Variants in RNLS observed in about 807,000 individuals in gnomAD.
The protein encoded by RNLS is renalase.
Under a neutral mutation model 39.8 loss-of-function variants are expected in RNLS, and 39 were observed. That is an observed-to-expected ratio of 0.98 (90% CI 0.76 to 1.28). The LOEUF (loss-of-function observed/expected upper bound fraction) is 1.28. Among genes scored for constraint, RNLS ranks in the 50% most tolerant of loss-of-function variants. The pLI, the probability that RNLS is intolerant of heterozygous loss-of-function variation, is 0.00. For missense variants in RNLS, 410 were observed against 413.3 expected (o/e 0.99, Z 0.07); for synonymous variants, 147 against 150.7 (o/e 0.98, Z 0.18).
At chr10:88,517,312 C>T (rs1846459884) in intron 4 of RNLS, among the ~76,000 whole-genome samples, 1 of 151,870 alleles carries the variant, frequency 6.6e-6, no homozygotes, top group African/African-American at 2.4e-5. Flanking sequence ...TTACCACATA[C>T]TTATTTGATG....
At chr10:88,491,382 G>A (rs915550316) in intron 4 of RNLS, among the ~76,000 whole-genome samples, 4 of 152,128 alleles carry the variant, frequency 2.6e-5, no homozygotes, top group African/African-American at 4.8e-5. Context: ...TTCATTGCCC[G>A]TAGTGGACAG....
At chr10:88,567,832 A>T (rs1451423536) in intron 4 of RNLS, among the ~76,000 whole-genome samples, 1 of 152,230 alleles carries the variant, frequency 6.6e-6, no homozygotes, top group Non-Finnish European at 1.5e-5. Flanking sequence ...CTATAGTTCT[A>T]AATCTAAGAT....
At chr10:88,567,151 A>G (rs1849547707) in intron 4 of RNLS, among the ~76,000 whole-genome samples, 1 of 152,176 alleles carries the variant, frequency 6.6e-6, no homozygotes, top group East Asian at 1.9e-4. Context: ...AATCAAATAA[A>G]ATCATAAAGC....
intron 4 of RNLS, among the ~76,000 whole-genome samples, chr10:88,505,374 GAA>G: frequency 6.8e-6 from 1 of 147,466 alleles, no homozygotes; most frequent in South Asian, 2.2e-4. Flanking sequence ...GGAAGAGAGA[GAA>G]AGAGAAGTAG....
the RNLS span, among the ~76,000 whole-genome samples, chr10:88,185,508 GC>G: frequency 6.6e-6 from 1 of 152,014 alleles, no homozygotes; most frequent in African/African-American, 2.4e-5. Context: ...TCTTCAAGGA[GC>G]TTCGTCTTCT....
chr10:88,325,562 T>C (rs943307230), intron 5 of RNLS, among the ~76,000 whole-genome samples: 1 of 152,178 alleles, frequency 6.6e-6, no homozygotes, highest in African/African-American at 2.4e-5. Flanking sequence ...TTAACATTTG[T>C]TTTGAAGTAA....
rs779816722 is a variant in RNLS at position 88,410,987 on chromosome 10, C to A, written c.527-48262G>T. Among the ~76,000 whole-genome samples the A allele has an allele frequency of 1.2e-4, 19 of 152,118 alleles. 1 individual carries two copies. Among genetic ancestry groups the A allele is most frequent in the Admixed American group, 9.2e-4 (14 of 15,254 alleles). On this transcript the variant is annotated intron_variant, in intron 4 of 6. Coordinates refer to ENST00000331772, the MANE Select transcript of RNLS (RefSeq NM_001031709.3). ...GGACACACATGATTTCAACATCATT[C>A]TCCTCTTGGTGCTGTTACATGGCTA...
At position 88,285,459 on chromosome 10, in the gene RNLS, G is replaced by A; in HGVS notation, c.924C>T (p.His308=). 1 of 1,613,182 alleles carries A rather than the reference G, an allele frequency of 6.2e-7. No homozygotes were observed. The highest frequency in any genetic ancestry group is 8.5e-7 in the Non-Finnish European group (1 of 1,179,404). ...CCCCTCCACATGCAAGGAAAGGTTT[G>A]TGATGCAGAGTCATTTGGCCAGGAC... ...ANCPGQMTLH[H]KPFLACGGDG... Residue 308 remains histidine, a synonymous_variant, in exon 7 of 7, where the codon CAC becomes CAT. Transcript: ENST00000331772.
chr10:88,275,630 A>T (rs1431979777), intron 6 of RNLS, among the ~76,000 whole-genome samples: 1 of 152,164 alleles, frequency 6.6e-6, no homozygotes, highest in Non-Finnish European at 1.5e-5. Context: ...TAAAAATACA[A>T]CCCTGGGGGA....
chr10:88,564,360 CAT>C (rs1348219584), intron 4 of RNLS, among the ~76,000 whole-genome samples: 3 of 151,636 alleles, frequency 2.0e-5, no homozygotes, highest in Non-Finnish European at 2.9e-5. Flanking sequence ...CACACACACA[CAT>C]GAGAAAGTAA....
chr10:88,312,731 A>T (rs1440409768), intron 6 of RNLS, among the ~76,000 whole-genome samples: 1 of 152,116 alleles, frequency 6.6e-6, no homozygotes, highest in African/African-American at 2.4e-5. Flanking sequence ...TTACCACTAG[A>T]TACATTTTTA....
intron 5 of RNLS, among the ~76,000 whole-genome samples, chr10:88,356,978 C>T (rs191267565): frequency 1.5e-4 from 23 of 152,302 alleles, no homozygotes; most frequent in Admixed American, 1.0e-3. Flanking sequence ...GTTGCTTACT[C>T]ATTTTATTTA....
At chr10:88,184,058 A>C in the RNLS span, among the ~76,000 whole-genome samples, 1 of 152,186 alleles carries the variant, frequency 6.6e-6, no homozygotes, top group South Asian at 2.1e-4. Flanking sequence ...GTGGTGTTTC[A>C]GTCCTTAAAG....
chr10:88,385,537 G>A (rs2099310443), intron 4 of RNLS, among the ~76,000 whole-genome samples: 1 of 152,224 alleles, frequency 6.6e-6, no homozygotes, highest in African/African-American at 2.4e-5. Flanking sequence ...AGAGTCAAAT[G>A]TGTTTCCAAC....
chr10:88,243,128 T>C, the RNLS span, among the ~76,000 whole-genome samples: 2 of 152,192 alleles, frequency 1.3e-5, no homozygotes, highest in Admixed American at 1.3e-4. Flanking sequence ...ATATAATGTG[T>C]GGGAAAATGC....
intron 6 of RNLS, among the ~76,000 whole-genome samples, chr10:88,313,825 T>C (rs1845555415): frequency 6.6e-6 from 1 of 152,232 alleles, no homozygotes; most frequent in Non-Finnish European, 1.5e-5. Flanking sequence ...ACTTTTTCTA[T>C]GAATACTCAC....
chr10:88,172,925 C>T, the RNLS span, among the ~76,000 whole-genome samples: 13 of 127,978 alleles, frequency 1.0e-4, no homozygotes, highest in Non-Finnish European at 1.7e-4. Context: ...GGTGTGATCT[C>T]GGCTCACTGC....
intron 4 of RNLS, among the ~76,000 whole-genome samples, chr10:88,563,663 G>A (rs935596279): frequency 3.3e-5 from 5 of 152,112 alleles, no homozygotes; most frequent in Non-Finnish European, 5.9e-5. Flanking sequence ...TTTGTTTTGC[G>A]TACCAGAGCA....
At position 88,448,319 on chromosome 10, in the gene RNLS, C is replaced by T. The variant is rs189561657; in HGVS notation, c.527-85594G>A. ...AATTTACAAGAAAAAAACAAACAAC[C>T]CCATCAAAAAGTGGGCAAAAGATAT... On this transcript the variant is annotated intron_variant, in intron 4 of 6. Coordinates refer to ENST00000331772, the MANE Select transcript of RNLS (RefSeq NM_001031709.3). Among the ~76,000 whole-genome samples, 10 of 152,156 alleles carry T rather than the reference C, an allele frequency of 6.6e-5. No homozygotes were observed. In the East Asian group the frequency reaches 1.9e-3, roughly 29 times the overall value.
Sources: gnomAD v4.1 joint callset for allele counts (sites outside exome capture counted in the v4.1 genomes callset) on GRCh38, gnomAD v4.1.1 for gene constraint, MANE v1.5 for transcripts, NCBI Gene and HGNC (gene_info 2026-07-23, HGNC 2026-07-21) for gene names.